SH3RF3: variants seen among roughly 807,000 people sequenced by gnomAD.
The protein encoded by SH3RF3 is SH3 domain containing ring finger 3, also known as E3 ubiquitin-protein ligase SH3RF3.
A neutral mutation model predicts 66.3 loss-of-function variants in SH3RF3; 29 were observed. The ratio of observed to expected loss-of-function variants is 0.44; its 90% CI spans 0.33 to 0.60. The LOEUF (loss-of-function observed/expected upper bound fraction) is 0.60. Among genes scored for constraint, SH3RF3 ranks in the 20% least tolerant of loss-of-function variants. SH3RF3 has a pLI of 0.04. For missense variants in SH3RF3, 1,194 were observed against 1,190.9 expected, an observed-to-expected ratio of 1.00 and a Z score of -0.04; for synonymous variants, 583 against 532.0, an observed-to-expected ratio of 1.10 and a Z score of -1.32.
intron 3 of SH3RF3, among the ~76,000 whole-genome samples, chr2:109,390,327 CG>C (rs1446249767): frequency 6.6e-6 from 1 of 152,196 alleles, no homozygotes; most frequent in African/African-American, 2.4e-5. Context: ...TTCTAATCAG[CG>C]GTCCTTCTGC....
intron 8 of SH3RF3, among the ~76,000 whole-genome samples, chr2:109,460,321 C>G (rs11692143): frequency 0.063 from 9,640 of 152,228 alleles, 326 homozygotes; most frequent in South Asian, 0.11. Context: ...TGGAGGTGGT[C>G]CAAGGTAGTC....
At chr2:109,482,529 C>G (rs976050924) in intron 8 of SH3RF3, among the ~76,000 whole-genome samples, 1 of 152,168 alleles carries the variant, frequency 6.6e-6, no homozygotes, top group Non-Finnish European at 1.5e-5. Context: ...TCCCTGACAC[C>G]GTGGTGAACT....
chr2:109,199,642 T>TAC (rs1678610776), intron 1 of SH3RF3, among the ~76,000 whole-genome samples: 1 of 24 alleles, frequency 0.042, no homozygotes, highest in African/African-American at 0.17. Context: ...TGGAATGGAA[T>TAC]GGAATGGAAT....
intron 1 of SH3RF3, among the ~76,000 whole-genome samples, chr2:109,247,477 T>G (rs1263796346): frequency 1.3e-5 from 2 of 152,224 alleles, no homozygotes; most frequent in Non-Finnish European, 2.9e-5. Flanking sequence ...CTGGAAGTTT[T>G]TGTGCAAAAC....
rs114118286 is a variant in SH3RF3 at position 109,455,616 on chromosome 2, G to A, written c.2148+6127G>A. The stretch of plus-strand genomic sequence containing the variant: ...AACATCCAATCTGAAGAAATCTTGA[G>A]GATGAAGCTCTTTTGAGTGGCCAGG... On this transcript the variant is annotated intron_variant, in intron 8 of 9. Coordinates refer to ENST00000309415, the MANE Select transcript of SH3RF3 (RefSeq NM_001099289.3). Among the ~76,000 whole-genome samples, 726 of 152,306 alleles carry A rather than the reference G, an allele frequency of 4.8e-3. 4 individuals carry two copies. The highest frequency in any genetic ancestry group is 0.017 in the African/African-American group (693 of 41,560).
chr2:109,480,622 C>T (rs1370973194), intron 8 of SH3RF3, among the ~76,000 whole-genome samples: 1 of 152,152 alleles, frequency 6.6e-6, no homozygotes, highest in African/African-American at 2.4e-5. Flanking sequence ...CTCTGCTGCC[C>T]TGTGGGAGGA....
At chr2:109,239,066 C>T (rs1679718542) in intron 1 of SH3RF3, among the ~76,000 whole-genome samples, 1 of 152,150 alleles carries the variant, frequency 6.6e-6, no homozygotes. Flanking sequence ...TATGCAGTGC[C>T]AAATGTCAAG....
chr2:109,168,567 A>G (rs556043099), intron 1 of SH3RF3, among the ~76,000 whole-genome samples: 29 of 152,288 alleles, frequency 1.9e-4, no homozygotes, highest in Middle Eastern at 3.4e-3. Flanking sequence ...CCTACTTCTA[A>G]TCTTCGGACT....
chr2:109,277,560 G>A (rs1184206088), intron 1 of SH3RF3, among the ~76,000 whole-genome samples: 6 of 152,172 alleles, frequency 3.9e-5, no homozygotes, highest in African/African-American at 1.2e-4. Context: ...GTGCCTCCCT[G>A]AGACTTACGT....
chr2:109,189,316 C>G (rs1381574110), intron 1 of SH3RF3, among the ~76,000 whole-genome samples: 1 of 152,044 alleles, frequency 6.6e-6, no homozygotes, highest in Non-Finnish European at 1.5e-5. Context: ...CTGACACCCC[C>G]CACCATCTAC....
intron 1 of SH3RF3, among the ~76,000 whole-genome samples, chr2:109,342,434 G>A (rs936988895): frequency 3.9e-5 from 6 of 152,310 alleles, no homozygotes; most frequent in Middle Eastern, 3.4e-3. Flanking sequence ...CAAAACAGGC[G>A]AGAATCTGTC....
intron 7 of SH3RF3, among the ~76,000 whole-genome samples, chr2:109,448,568 A>T (rs1479722667): frequency 3.3e-5 from 5 of 152,154 alleles, no homozygotes; most frequent in African/African-American, 1.2e-4. Flanking sequence ...CACGCTCCTT[A>T]TGAGAATCTA....
intron 8 of SH3RF3, among the ~76,000 whole-genome samples, chr2:109,484,725 A>T (rs1573290420): frequency 6.6e-6 from 1 of 152,224 alleles, no homozygotes; most frequent in Non-Finnish European, 1.5e-5. Context: ...AGAAAAGGGT[A>T]TAACAAAACT....
At chr2:109,154,824 G>A (rs1677301728) in intron 1 of SH3RF3, among the ~76,000 whole-genome samples, 1 of 152,182 alleles carries the variant, frequency 6.6e-6, no homozygotes, top group African/African-American at 2.4e-5. Context: ...AGAGCCTTCT[G>A]AAGCCCCACT....
intron 4 of SH3RF3, among the ~76,000 whole-genome samples, chr2:109,412,252 G>A (rs1676610609): frequency 6.6e-6 from 1 of 152,244 alleles, no homozygotes; most frequent in Admixed American, 6.5e-5. Flanking sequence ...GGTCTCTCCT[G>A]GCCAAACACA....
intron 1 of SH3RF3, among the ~76,000 whole-genome samples, chr2:109,266,729 G>A (rs1315527231): frequency 6.6e-6 from 1 of 152,140 alleles, no homozygotes; most frequent in African/African-American, 2.4e-5. Flanking sequence ...GCAGTGACAC[G>A]GCCCACGCTT....
intron 1 of SH3RF3, among the ~76,000 whole-genome samples, chr2:109,163,703 A>G (rs985230426): frequency 1.3e-5 from 2 of 152,132 alleles, no homozygotes; most frequent in African/African-American, 4.8e-5. Flanking sequence ...CTGGCCGCAA[A>G]TATTCTTAAG....
intron 3 of SH3RF3, among the ~76,000 whole-genome samples, chr2:109,380,049 T>C (rs1279912707): frequency 2.0e-5 from 3 of 152,114 alleles, no homozygotes. Flanking sequence ...CAAGACTACA[T>C]AAGAGGGAGA....
intron 9 of SH3RF3, among the ~76,000 whole-genome samples, chr2:109,492,787 C>T (rs1485280272): frequency 6.6e-6 from 1 of 152,108 alleles, no homozygotes; most frequent in Non-Finnish European, 1.5e-5. Flanking sequence ...CACCCCCAGT[C>T]CTGTGTAGTC....
Sources: gnomAD v4.1 joint callset for allele counts (sites outside exome capture counted in the v4.1 genomes callset) on GRCh38, gnomAD v4.1.1 for gene constraint, MANE v1.5 for transcripts, NCBI Gene and HGNC (gene_info 2026-07-23, HGNC 2026-07-21) for gene names.